L3MBTL3: variants seen among roughly 807,000 people sequenced by gnomAD.
L3MBTL3 encodes the protein L3MBTL histone methyl-lysine binding protein 3.
L3MBTL3 carries 27 observed loss-of-function variants against 102.3 expected under a neutral mutation model. The observed-to-expected ratio is 0.26, with a 90% CI of 0.19 to 0.36. The LOEUF (loss-of-function observed/expected upper bound fraction) is 0.36. Among genes scored for constraint, L3MBTL3 ranks in the 10% least tolerant of loss-of-function variants. The pLI is 1.00. For synonymous variants in L3MBTL3, 340 were observed against 320.9 expected, an observed-to-expected ratio of 1.06 and a Z score of -0.64; for missense variants, 798 against 955.3, an observed-to-expected ratio of 0.84 and a Z score of 2.17.
intron 3 of L3MBTL3, among the ~76,000 whole-genome samples, chr6:130,045,568 G>C (rs966155108): frequency 6.6e-6 from 1 of 152,098 alleles, no homozygotes; most frequent in African/African-American, 2.4e-5. Context: ...TTACTGGCAG[G>C]GGTCTCAAAA....
chr6:130,043,457 T>C (rs1780551207), intron 3 of L3MBTL3, among the ~76,000 whole-genome samples: 1 of 152,188 alleles, frequency 6.6e-6, no homozygotes. Flanking sequence ...ACCACTTCTG[T>C]TGTCCCATGA....
At position 130,120,962 on chromosome 6, in the gene L3MBTL3, G is replaced by A. The variant is rs780638427; in HGVS notation, c.1966+4G>A. 6.2e-7 allele frequency: 1 copy of A among 1,600,256 alleles called. No homozygotes were observed. The highest frequency in any genetic ancestry group is 2.2e-5 in the East Asian group (1 of 44,666). On this transcript the variant is annotated splice_donor_region_variant and intron_variant, in intron 20 of 22. Coordinates refer to ENST00000361794, the MANE Select transcript of L3MBTL3 (RefSeq NM_032438.4). ...AGAACATCACATGAAGCCAGAGGTA[G>A]CCATAATAATTCTCATATTACTAAT...
In L3MBTL3 at chr6:130,049,768, C is replaced by T. The variant is rs201979908; in HGVS notation, c.227C>T (p.Pro76Leu). 12 of 1,614,088 alleles carry T rather than the reference C, an allele frequency of 7.4e-6. No homozygotes were observed. The African/African-American group carries it at 9.3e-5, about 13-fold the overall frequency. The change falls in exon 5 of 23, where the codon CCC (proline) becomes CTC (leucine). Residue 76 changes from proline (P) to leucine (L), a missense_variant. Pro to Leu is a moderately conservative substitution (Grantham distance 98). Around this residue, in one of 4 missense-constraint regions of L3MBTL3, gnomAD observed 434 missense variants for 506.6 expected, o/e 0.86. Transcript: ENST00000361794. ...VPTAQEAPTS[P>L]PSSRPVFPPA... is the part of the protein sequence containing the mutation. ...TCTACATCTCCAGCCCCGACCTCTCCCCCGAGCTCCAGGCCCGTATTTCCA... is the reference window on the plus strand; with the variant it reads ...TCTACATCTCCAGCCCCGACCTCTCTCCCGAGCTCCAGGCCCGTATTTCCA...
At chr6:130,104,016 G>A (rs1784844799) in intron 18 of L3MBTL3, among the ~76,000 whole-genome samples, 1 of 152,186 alleles carries the variant, frequency 6.6e-6, no homozygotes, top group African/African-American at 2.4e-5. Context: ...TGACTGCCCT[G>A]GTCCTGGAGG....
chr6:130,057,844 G>C (rs1393085906), intron 9 of L3MBTL3, among the ~76,000 whole-genome samples: 1 of 152,158 alleles, frequency 6.6e-6, no homozygotes, highest in Non-Finnish European at 1.5e-5. Context: ...GGCTTTGAGA[G>C]ATTAAAAATG....
intron 11 of L3MBTL3, among the ~76,000 whole-genome samples, chr6:130,067,669 ATGG>A (rs1421692988): frequency 6.6e-6 from 1 of 152,196 alleles, no homozygotes; most frequent in Non-Finnish European, 1.5e-5. Flanking sequence ...TCTCTTATAT[ATGG>A]TAAATTATTA....
intron 5 of L3MBTL3, among the ~76,000 whole-genome samples, chr6:130,050,070 TC>T (rs1780995733): frequency 6.6e-6 from 1 of 152,210 alleles, no homozygotes; most frequent in Admixed American, 6.5e-5. Flanking sequence ...TTTCTATCTA[TC>T]ATCTTTGCCA....
intron 20 of L3MBTL3, among the ~76,000 whole-genome samples, chr6:130,122,423 C>A (rs903204559): frequency 3.3e-5 from 5 of 152,304 alleles, no homozygotes; most frequent in African/African-American, 1.2e-4. Context: ...GCTCTGCCAC[C>A]TGCTGCTGTG....
intron 20 of L3MBTL3, among the ~76,000 whole-genome samples, chr6:130,121,333 T>C (rs1342877579): frequency 6.6e-6 from 1 of 152,202 alleles, no homozygotes; most frequent in Non-Finnish European, 1.5e-5. Flanking sequence ...AGTACTTTTT[T>C]TTCTGTTCCT....
intron 9 of L3MBTL3, among the ~76,000 whole-genome samples, chr6:130,059,549 CAT>C (rs1781755711): frequency 6.6e-6 from 1 of 152,180 alleles, no homozygotes; most frequent in Non-Finnish European, 1.5e-5. Context: ...TCATTTTTCA[CAT>C]GTGTGAGAAT....
chr6:130,107,457 G>T (rs574510945), intron 19 of L3MBTL3, among the ~76,000 whole-genome samples: 2 of 152,106 alleles, frequency 1.3e-5, no homozygotes, highest in Non-Finnish European at 2.9e-5. Context: ...TAACTAAAAA[G>T]AATTTAATGC....
At chr6:130,136,963 A>G (rs12207878) in intron 22 of L3MBTL3, among the ~76,000 whole-genome samples, 36,909 of 152,160 alleles carry the variant, frequency 0.24, 5,497 homozygotes, top group Non-Finnish European at 0.34. Flanking sequence ...CTTACTTAGT[A>G]TGTTTATTGG....
chr6:130,113,348 C>G (rs1785465546), intron 19 of L3MBTL3, among the ~76,000 whole-genome samples: 1 of 152,170 alleles, frequency 6.6e-6, no homozygotes, highest in Non-Finnish European at 1.5e-5. Flanking sequence ...TGAAAACACC[C>G]TTTTCAGGGG....
intron 22 of L3MBTL3, among the ~76,000 whole-genome samples, chr6:130,136,376 C>T (rs1031301008): frequency 8.5e-5 from 13 of 152,150 alleles, no homozygotes; most frequent in African/African-American, 2.9e-4. Flanking sequence ...CTGCCCCTCA[C>T]GAGTCTACGT....
chr6:130,031,604 GA>G (rs1244974636), intron 2 of L3MBTL3, among the ~76,000 whole-genome samples: 2 of 152,172 alleles, frequency 1.3e-5, no homozygotes, highest in African/African-American at 4.8e-5. Context: ...AGACTTTGTG[GA>G]ATGTTGCCCT....
intron 19 of L3MBTL3, among the ~76,000 whole-genome samples, chr6:130,108,220 G>GTTTTTTTTTTTTTTTTTTTTTTTTT (rs376419261): frequency 1.7e-5 from 2 of 118,706 alleles, no homozygotes; most frequent in Admixed American, 9.7e-5. Flanking sequence ...ATGTTAGGTG[G>GTTTTTTTTTTTTTTTTTTTTTTTTT]TTTTTTTTTT....
intron 19 of L3MBTL3, among the ~76,000 whole-genome samples, chr6:130,113,226 G>A (rs552231292): frequency 2.6e-5 from 4 of 152,278 alleles, no homozygotes; most frequent in Admixed American, 6.5e-5. Context: ...TCAGGAAATG[G>A]AATTCTTGTG....
At chr6:130,064,820 A>G (rs1782141374) in intron 10 of L3MBTL3, among the ~76,000 whole-genome samples, 2 of 152,180 alleles carry the variant, frequency 1.3e-5, no homozygotes, top group South Asian at 2.1e-4. Context: ...TGAGCCTGAG[A>G]TAGAGACTAT....
At chr6:130,068,524 G>T (rs568888158) in intron 12 of L3MBTL3, 103 bp downstream of exon 12, 3 of 632,672 alleles carry the variant, frequency 4.7e-6, no homozygotes, top group Admixed American at 5.5e-5. Flanking sequence ...AAATTTTATC[G>T]CCTTGGTAAA....
Sources: gnomAD v4.1 joint callset for allele counts (sites outside exome capture counted in the v4.1 genomes callset) on GRCh38, gnomAD v4.1.1 for gene constraint, gnomAD v4.1.1 regional missense constraint, MANE v1.5 for transcripts, NCBI Gene and HGNC (gene_info 2026-07-23, HGNC 2026-07-21) for gene names.